Variants in ILDR1 observed in about 807,000 individuals in gnomAD.
ILDR1 encodes immunoglobulin like domain containing receptor 1, also known as immunoglobulin-like domain-containing receptor 1.
ILDR1 carries 56 observed loss-of-function variants against 62.4 expected under a neutral mutation model. The ratio of observed to expected loss-of-function variants is 0.90; its 90% CI spans 0.72 to 1.12. The LOEUF (loss-of-function observed/expected upper bound fraction) is 1.12, where lower values mean the gene tolerates loss of function less well. Among genes scored for constraint, ILDR1 ranks in the 50% most tolerant of loss-of-function variants. The pLI is 0.00. For synonymous variants in ILDR1, 284 were observed against 277.8 expected (o/e 1.02, Z -0.22); for missense variants, 736 against 710.6 (o/e 1.04, Z -0.41).
chr3:122,038,474 G>C, the ILDR1 span, among the ~76,000 whole-genome samples: 1 of 152,138 alleles, frequency 6.6e-6, no homozygotes. Context: ...CTAAATTAAT[G>C]TAAATCCCCA....
intron 1 of ILDR1, among the ~76,000 whole-genome samples, chr3:122,010,419 T>C (rs2071686878): frequency 1.3e-5 from 2 of 152,082 alleles, no homozygotes; most frequent in African/African-American, 4.8e-5. Context: ...AAAAAAAATA[T>C]ATATCATTTT....
chr3:122,018,307 C>T (rs1291999916), intron 1 of ILDR1, among the ~76,000 whole-genome samples: 10 of 149,604 alleles, frequency 6.7e-5, no homozygotes, highest in African/African-American at 2.2e-4. Context: ...AACCAAATAC[C>T]GCATGTTCTC....
intron 7 of ILDR1, among the ~76,000 whole-genome samples, chr3:121,991,264 TG>T (rs1168997320): frequency 6.6e-6 from 1 of 152,200 alleles, no homozygotes; most frequent in Non-Finnish European, 1.5e-5. Context: ...GGAATGTAAC[TG>T]GTGTTCCTCA....
chr3:122,039,362 C>T, the ILDR1 span, among the ~76,000 whole-genome samples: 1 of 151,386 alleles, frequency 6.6e-6, no homozygotes, highest in Admixed American at 6.6e-5. Flanking sequence ...TTAAAAGTAG[C>T]CAGAGAGAAA....
At chr3:122,003,792 A>T (rs1056635101) in intron 3 of ILDR1, among the ~76,000 whole-genome samples, 27 of 152,142 alleles carry the variant, frequency 1.8e-4, no homozygotes, top group African/African-American at 5.3e-4. Flanking sequence ...AGAAAAAAAA[A>T]AATAATAAGA....
rs778369601 is a variant in ILDR1 at position 121,993,245 on chromosome 3, G to A, written c.1504C>T (p.Pro502Ser). Residue 502 changes from proline to serine, a missense_variant, in exon 7 of 8, where the codon CCA becomes TCA. Coordinates refer to ENST00000344209, the MANE Select transcript of ILDR1 (RefSeq NM_001199799.2). ...WRAHRRGSHS[P>S]HWPEEKPPSY... Reference sequence around the variant, plus strand: ...GGCGGCTTCTCCTCGGGCCAGTGTGGGGAGTGCGAGCCGCGGCGGTGGGCC... The same window carrying A: ...GGCGGCTTCTCCTCGGGCCAGTGTGAGGAGTGCGAGCCGCGGCGGTGGGCC... The A allele has an allele frequency of 6.2e-7, 1 of 1,613,896 alleles. No homozygotes were observed. Among genetic ancestry groups the A allele is most frequent in the Non-Finnish European group, 8.5e-7 (1 of 1,179,910 alleles).
At chr3:122,025,963 T>G (rs2071917894), upstream of ILDR1, among the ~76,000 whole-genome samples, 2 of 152,202 alleles carry the variant, frequency 1.3e-5, no homozygotes, top group African/African-American at 4.8e-5. Flanking sequence ...AAGGGACATC[T>G]GCTCTAGGTT....
chr3:122,021,533 C>G (rs549725572), intron 1 of ILDR1, among the ~76,000 whole-genome samples: 1 of 152,118 alleles, frequency 6.6e-6, no homozygotes, highest in Non-Finnish European at 1.5e-5. Flanking sequence ...CATGGTTAGC[C>G]CAGAAGTACA....
the ILDR1 span, among the ~76,000 whole-genome samples, chr3:122,055,160 G>C: frequency 6.6e-6 from 1 of 152,122 alleles, no homozygotes; most frequent in South Asian, 2.1e-4. Context: ...AATTTCAAGA[G>C]GGGAGATTTT....
chr3:121,994,265 T>C lies in ILDR1; in HGVS notation c.695A>G (p.Gln232Arg). ...CCAGTACAGGGGTTTTCCCATCATCTGAGGACCTAGGGCCTGGGCCTGCTT... is the reference window on the plus strand; with the variant it reads ...CCAGTACAGGGGTTTTCCCATCATCCGAGGACCTAGGGCCTGGGCCTGCTT... ...YMKQAQALGP[Q>R]MMGKPLYWGA... is the part of the protein sequence containing the mutation. The change falls in exon 6 of 8, where the codon CAG (glutamine) becomes CGG (arginine). Residue 232 changes from glutamine to arginine, a missense_variant. By Grantham distance (43) the Gln-to-Arg change is conservative (BLOSUM62 1). Coordinates refer to ENST00000344209, the MANE Select transcript of ILDR1 (RefSeq NM_001199799.2). 6.5e-7 allele frequency: 1 copy of C among 1,536,082 alleles called. No homozygotes were observed. Among genetic ancestry groups the C allele is most frequent in the Non-Finnish European group, 8.7e-7 (1 of 1,146,860 alleles).
chr3:122,029,285 T>A, the ILDR1 span, among the ~76,000 whole-genome samples: 32 of 152,056 alleles, frequency 2.1e-4, no homozygotes, highest in African/African-American at 7.5e-4. Context: ...GGTGGGTGGA[T>A]CACTTGAGGT....
At chr3:122,044,883 G>A in the ILDR1 span, among the ~76,000 whole-genome samples, 1 of 150,592 alleles carries the variant, frequency 6.6e-6, no homozygotes, top group East Asian at 2.0e-4. Flanking sequence ...TGGATTCATT[G>A]ATTTTTTGAA....
chr3:121,991,475 C>T (rs574763825), intron 7 of ILDR1, among the ~76,000 whole-genome samples: 1 of 152,100 alleles, frequency 6.6e-6, no homozygotes, highest in Non-Finnish European at 1.5e-5. Context: ...TCTTTCAGGA[C>T]GTAATTTTCT....
chr3:121,993,849 C>T lies in ILDR1; in HGVS notation c.900G>A (p.Gln300=), dbSNP rs372886023. The change falls in exon 7 of 8, where the codon CAG becomes CAA. Residue 300 remains glutamine (Q), a synonymous_variant. Coordinates refer to ENST00000344209, the MANE Select transcript of ILDR1 (RefSeq NM_001199799.2). ...TGCCTTTGAGGTCAGGGGGCAGAGG[C>T]TGGGCCAGGTTGAGGTTCCGCAGTT... is the stretch of plus-strand genomic sequence containing the variant. ...EKELRNLNLA[Q]PLPPDLKGRF... is the part of the protein sequence containing the mutation. The T allele has an allele frequency of 1.9e-5, 30 of 1,614,014 alleles. No individual in the cohort carries two copies. Among genetic ancestry groups the T allele is most frequent in the Non-Finnish European group, 2.3e-5 (27 of 1,180,016 alleles).
At position 121,993,167 on chromosome 3, in the gene ILDR1, T is replaced by C. The variant is rs727503095; in HGVS notation, c.1582A>G (p.Ser528Gly). 6.2e-7 allele frequency: 1 copy of C among 1,605,222 alleles called. No homozygotes were observed. Among genetic ancestry groups the C allele is most frequent in the Non-Finnish European group, 8.5e-7 (1 of 1,175,880 alleles). The change falls in exon 7 of 8, where the codon AGT becomes GGT. Residue 528 changes from serine to glycine, a missense_variant. By Grantham distance (56) the Ser-to-Gly change is moderately conservative (BLOSUM62 0). Transcript: ENST00000344209. ...AGGCTCACCGAGCGCCTCTCCACAC[T>C]CCCTTTTTTCCTGCTATTCTTGCCT... ...TPGKNSRKKG[S>G]VERRSEKDSS...
the ILDR1 span, among the ~76,000 whole-genome samples, chr3:122,036,492 G>A: frequency 1.3e-5 from 2 of 152,000 alleles, no homozygotes; most frequent in Admixed American, 6.6e-5. Flanking sequence ...AGGAGGCTGA[G>A]GCAGGAGAAT....
chr3:122,047,068 T>C, the ILDR1 span, among the ~76,000 whole-genome samples: 1 of 145,686 alleles, frequency 6.9e-6, no homozygotes, highest in Non-Finnish European at 1.5e-5. Context: ...TTTTGGTCTT[T>C]GATGATGGTG....
chr3:122,032,876 C>T, the ILDR1 span, among the ~76,000 whole-genome samples: 1 of 152,166 alleles, frequency 6.6e-6, no homozygotes, highest in Non-Finnish European at 1.5e-5. Flanking sequence ...GTCCAGTCTT[C>T]GGAAGAAATG....
chr3:122,030,402 A>G, the ILDR1 span, among the ~76,000 whole-genome samples: 1 of 151,828 alleles, frequency 6.6e-6, no homozygotes, highest in Non-Finnish European at 1.5e-5. Flanking sequence ...ACTCAGCCAC[A>G]TGCTTCTCCC....
Sources: gnomAD v4.1 joint callset for allele counts (sites outside exome capture counted in the v4.1 genomes callset) on GRCh38, gnomAD v4.1.1 for gene constraint, MANE v1.5 for transcripts, NCBI Gene and HGNC (gene_info 2026-07-23, HGNC 2026-07-21) for gene names.